Variants in WWOX observed in about 807,000 individuals in gnomAD.
The protein encoded by WWOX is WW domain-containing oxidoreductase.
In WWOX, 69 loss-of-function variants were observed where a neutral mutation model predicts 46.2. That is an observed-to-expected ratio of 1.49 (90% CI 1.23 to 1.82). The LOEUF (loss-of-function observed/expected upper bound fraction) is 1.82. Ranked by LOEUF, WWOX falls within the 40% of genes most tolerant of loss-of-function variation. The pLI, the probability that WWOX is intolerant of heterozygous loss-of-function variation, is 0.00. For synonymous variants in WWOX, 359 were observed against 202.6 expected (o/e 1.77, Z -6.56); for missense variants, 919 against 542.6 (o/e 1.69, Z -6.89).
At chr16:79,029,140 A>G (rs139970009) in intron 8 of WWOX, among the ~76,000 whole-genome samples, 52 of 152,292 alleles carry the variant, frequency 3.4e-4, no homozygotes, top group African/African-American at 1.1e-3. Flanking sequence ...AGCAGAATCG[A>G]TTGATGAAGG....
At chr16:78,910,421 G>T (rs987133986) in intron 8 of WWOX, among the ~76,000 whole-genome samples, 1 of 151,912 alleles carries the variant, frequency 6.6e-6, no homozygotes, top group African/African-American at 2.4e-5. Flanking sequence ...TGTTATGGGG[G>T]TTGTTCCTCA....
chr16:78,725,062 G>A (rs541065676), intron 8 of WWOX, among the ~76,000 whole-genome samples: 6 of 152,102 alleles, frequency 3.9e-5, no homozygotes, highest in South Asian at 2.1e-4. Context: ...GGGAGGGACC[G>A]GGTGGGAGAA....
chr16:78,544,879 G>T (rs761440886), intron 8 of WWOX, among the ~76,000 whole-genome samples: 1 of 151,656 alleles, frequency 6.6e-6, no homozygotes, highest in Non-Finnish European at 1.5e-5. Flanking sequence ...TCTCAAAAAA[G>T]AAAAAATGAG....
intron 8 of WWOX, among the ~76,000 whole-genome samples, chr16:78,434,978 T>C (rs968045658): frequency 6.6e-6 from 1 of 152,192 alleles, no homozygotes; most frequent in Non-Finnish European, 1.5e-5. Flanking sequence ...TTGATTATTA[T>C]CTAATATTTA....
chr16:78,424,050 G>A (rs553095334), intron 6 of WWOX, among the ~76,000 whole-genome samples: 1 of 150,388 alleles, frequency 6.6e-6, no homozygotes, highest in South Asian at 2.1e-4. Context: ...CAAGTGCTGG[G>A]TCCTGTGTCA....
chr16:78,870,005 C>A (rs936802245), intron 8 of WWOX, among the ~76,000 whole-genome samples: 7 of 152,186 alleles, frequency 4.6e-5, no homozygotes, highest in African/African-American at 1.4e-4. Context: ...CAAAGTCTCT[C>A]CACTGATCTG....
At chr16:78,462,577 C>T (rs774855736) in intron 8 of WWOX, among the ~76,000 whole-genome samples, 40 of 152,190 alleles carry the variant, frequency 2.6e-4, no homozygotes, top group African/African-American at 9.2e-4. Context: ...CCGTGCTGAG[C>T]GCTCACTGAA....
At chr16:78,294,958 T>G (rs2079919916) in intron 5 of WWOX, among the ~76,000 whole-genome samples, 1 of 152,196 alleles carries the variant, frequency 6.6e-6, no homozygotes, top group African/African-American at 2.4e-5. Context: ...CTTTGTTTTC[T>G]ATTTGGATTT....
chr16:78,755,423 TG>T (rs1429460979), intron 8 of WWOX, among the ~76,000 whole-genome samples: 1 of 151,970 alleles, frequency 6.6e-6, no homozygotes, highest in Non-Finnish European at 1.5e-5. Context: ...TGATATTACA[TG>T]TTGGGATGAT....
intron 8 of WWOX, among the ~76,000 whole-genome samples, chr16:78,557,201 A>G (rs546485175): frequency 2.3e-4 from 35 of 151,326 alleles, no homozygotes; most frequent in African/African-American, 7.8e-4. Flanking sequence ...CAAGCTTGCT[A>G]ACACAGGGAA....
intron 8 of WWOX, among the ~76,000 whole-genome samples, chr16:78,881,200 G>C (rs965029902): frequency 1.3e-5 from 2 of 151,792 alleles, no homozygotes; most frequent in African/African-American, 4.8e-5. Context: ...ATGGGATTTT[G>C]CCATGTTGCC....
chr16:79,181,533 G>C (rs1298490962), intron 8 of WWOX, among the ~76,000 whole-genome samples: 1 of 151,782 alleles, frequency 6.6e-6, no homozygotes, highest in East Asian at 1.9e-4. Context: ...CGATTTCCTC[G>C]TATTGTTGAA....
At chr16:78,854,379 G>A (rs562790964) in intron 8 of WWOX, among the ~76,000 whole-genome samples, 1 of 152,290 alleles carries the variant, frequency 6.6e-6, no homozygotes, top group African/African-American at 2.4e-5. Context: ...CCAAATGTTT[G>A]AAATTATCAT....
chr16:78,667,171 T>C (rs2047350343), intron 8 of WWOX, among the ~76,000 whole-genome samples: 1 of 152,218 alleles, frequency 6.6e-6, no homozygotes, highest in Admixed American at 6.5e-5. Context: ...TGCTAGTAGC[T>C]TCCATGAAAC....
intron 8 of WWOX, among the ~76,000 whole-genome samples, chr16:78,979,031 C>T (rs1327625826): frequency 6.6e-6 from 1 of 151,874 alleles, no homozygotes; most frequent in African/African-American, 2.4e-5. Flanking sequence ...TCATCAGCAT[C>T]TGCTCTCCTT....
intron 8 of WWOX, among the ~76,000 whole-genome samples, chr16:79,208,896 C>A (rs1006282298): frequency 5.3e-5 from 8 of 152,198 alleles, no homozygotes; most frequent in Non-Finnish European, 1.0e-4. Context: ...GATATTGTTA[C>A]TGCTTAATTG....
At position 79,152,025 on chromosome 16, in the gene WWOX, C is replaced by A. The variant is rs1479816274; in HGVS notation, c.1057-59583C>A. Among the ~76,000 whole-genome samples, 6 of 152,170 alleles carry A rather than the reference C, an allele frequency of 3.9e-5. No individual in the cohort carries two copies. In the East Asian group the frequency reaches 1.2e-3, roughly 29 times the overall value. ...TAGTTTTCATTGTCACTGTATTAAG[C>A]AGAAGTTGGGAATCATAGAAGACCT... is the stretch of plus-strand genomic sequence containing the variant. On this transcript the variant is annotated intron_variant, in intron 8 of 8. Transcript: ENST00000566780.
chr16:79,047,121 T>TATTC (rs895798628), intron 8 of WWOX, among the ~76,000 whole-genome samples: 11 of 152,328 alleles, frequency 7.2e-5, no homozygotes, highest in African/African-American at 2.4e-4. Flanking sequence ...TTCACATATG[T>TATTC]ATTCATTCAT....
chr16:78,864,013 GTTGTTT>G (rs1438423325), intron 8 of WWOX, among the ~76,000 whole-genome samples: 1 of 152,088 alleles, frequency 6.6e-6, no homozygotes, highest in African/African-American at 2.4e-5. Context: ...GGGCATTTGT[GTTGTTT>G]TTACCCTTTG....
Sources: gnomAD v4.1 joint callset for allele counts (sites outside exome capture counted in the v4.1 genomes callset) on GRCh38, gnomAD v4.1.1 for gene constraint, MANE v1.5 for transcripts, NCBI Gene and HGNC (gene_info 2026-07-23, HGNC 2026-07-21) for gene names.